GSE1: variants seen among roughly 807,000 people sequenced by gnomAD.
The protein encoded by GSE1 is genetic suppressor element 1.
Under a neutral mutation model 112.6 loss-of-function variants are expected in GSE1, and 32 were observed. That is an observed-to-expected ratio of 0.28 (90% confidence interval 0.21 to 0.38). GSE1 has a LOEUF of 0.38. GSE1 is among the 10% of genes least tolerant of loss of function. The pLI is 1.00. For missense variants in GSE1, 2,348 were observed against 1,699.2 expected (o/e 1.38, Z -6.71); for synonymous variants, 1,115 against 735.6 (o/e 1.52, Z -8.35).
intron 1 of GSE1, among the ~76,000 whole-genome samples, chr16:85,277,507 C>T (rs1405834549): frequency 6.6e-6 from 1 of 152,162 alleles, no homozygotes; most frequent in African/African-American, 2.4e-5. Context: ...CACCTGGGGC[C>T]AGGCCTGGGA....
chr16:85,621,704 C>T (rs2048754230), intron 1 of GSE1, among the ~76,000 whole-genome samples: 1 of 152,178 alleles, frequency 6.6e-6, no homozygotes, highest in Admixed American at 6.5e-5. Flanking sequence ...GCTGGGGTTT[C>T]TCCAGCCACG....
At chr16:85,205,767 C>G (rs1044036634) in intron 1 of GSE1, among the ~76,000 whole-genome samples, 1 of 152,144 alleles carries the variant, frequency 6.6e-6, no homozygotes, top group South Asian at 2.1e-4. Flanking sequence ...ACCCAGGGGC[C>G]CATCTGTGAA....
chr16:85,650,687 G>A lies in GSE1; in HGVS notation c.426+1936G>A, dbSNP rs375774673. ...AACACGGTGCCGCCAGGGAAGGCGC[G>A]GGGCCGGCAGCTGGATTAGCAGGTG... On this transcript the variant is annotated intron_variant, in intron 3 of 15. Coordinates refer to ENST00000253458, the MANE Select transcript of GSE1 (RefSeq NM_014615.5). Among the ~76,000 whole-genome samples the A allele has an allele frequency of 2.6e-4, 40 of 152,310 alleles. No individual in the cohort carries two copies. The South Asian group carries it at 2.7e-3, about 10-fold the overall frequency.
chr16:85,655,856 C>A lies in GSE1; in HGVS notation c.928C>A (p.Leu310Ile), dbSNP rs1338691180. 6.2e-7 allele frequency: 1 copy of A among 1,609,544 alleles called. No individual in the cohort carries two copies. Among genetic ancestry groups the A allele is most frequent in the Admixed American group, 1.7e-5 (1 of 59,988 alleles). ...HLSGVRYPPE[L>I]SHSSLAALHS... ...CTCTGGGGTCCGCTACCCTCCCGAG[C>A]TCTCCCACTCATCCCTGGCAGCGCT... is the stretch of plus-strand genomic sequence containing the variant. The change falls in exon 6 of 16, where the codon CTC becomes ATC. Residue 310 changes from leucine to isoleucine, a missense_variant. Physicochemically the swap from Leu to Ile is conservative, Grantham distance 5. Transcript: ENST00000253458.
chr16:85,482,500 T>TC (rs35856605), intron 2 of GSE1, among the ~76,000 whole-genome samples: 70,977 of 148,228 alleles, frequency 0.48, 17,333 homozygotes, highest in Non-Finnish European at 0.53. Flanking sequence ...GTGACTCAGT[T>TC]CCCCCCCCAA....
intron 2 of GSE1, among the ~76,000 whole-genome samples, chr16:85,455,348 G>A (rs2049795965): frequency 6.6e-6 from 1 of 151,972 alleles, no homozygotes; most frequent in African/African-American, 2.4e-5. Flanking sequence ...TGCCACTCCA[G>A]CCTGGGAGAC....
intron 1 of GSE1, among the ~76,000 whole-genome samples, chr16:85,186,643 A>G (rs889269339): frequency 6.6e-6 from 1 of 151,078 alleles, no homozygotes; most frequent in South Asian, 2.1e-4. Context: ...GTGGTGGCGC[A>G]TGTCTGTGGT....
At chr16:85,470,709 G>A (rs922817585) in intron 2 of GSE1, among the ~76,000 whole-genome samples, 1 of 152,154 alleles carries the variant, frequency 6.6e-6, no homozygotes, top group African/African-American at 2.4e-5. Flanking sequence ...GCAGCCATCG[G>A]GCTGCCCAGG....
intron 2 of GSE1, among the ~76,000 whole-genome samples, chr16:85,534,754 G>C (rs2044266764): frequency 6.6e-6 from 1 of 152,198 alleles, no homozygotes; most frequent in Non-Finnish European, 1.5e-5. Flanking sequence ...GCCTGCTGTG[G>C]AACCTCATGG....
rs2052809988 is a variant in GSE1 at position 85,665,883 on chromosome 16, A to G, written c.2759-93A>G. 5 of 1,212,898 alleles carry G rather than the reference A, an allele frequency of 4.1e-6. No individual in the cohort carries two copies. In the South Asian group the frequency reaches 5.0e-5, roughly 12 times the overall value. 75.1% of individuals were successfully genotyped at this position (1,212,898 alleles called of 1,614,324 possible). ...TGGTTCTTTGCGCTAGGTCTTTGTT[A>G]AGTGTAAGCTCTAGAGACCAGGATC... On this transcript the variant is annotated intron_variant, in intron 12 of 15. Coordinates refer to ENST00000253458, the MANE Select transcript of GSE1 (RefSeq NM_014615.5).
chr16:85,366,137 G>T (rs554130054), intron 2 of GSE1, among the ~76,000 whole-genome samples: 4 of 152,296 alleles, frequency 2.6e-5, no homozygotes, highest in East Asian at 1.9e-4. Context: ...GACTGCGCTC[G>T]GGTACTGGGC....
chr16:85,384,687 T>C (rs1597558378), intron 2 of GSE1, among the ~76,000 whole-genome samples: 1 of 152,342 alleles, frequency 6.6e-6, no homozygotes, highest in East Asian at 1.9e-4. Flanking sequence ...TGGATTGTTC[T>C]GGATGCCTCA....
intron 1 of GSE1, among the ~76,000 whole-genome samples, chr16:85,286,284 C>T (rs1005029670): frequency 1.3e-5 from 2 of 152,224 alleles, no homozygotes; most frequent in African/African-American, 4.8e-5. Flanking sequence ...AGAGGCTCTC[C>T]GTGTCCTTGC....
intron 2 of GSE1, among the ~76,000 whole-genome samples, chr16:85,505,871 G>T (rs975996135): frequency 6.6e-6 from 1 of 151,996 alleles, no homozygotes; most frequent in African/African-American, 2.4e-5. Context: ...GAGCATCGTG[G>T]TGCAAGCCAC....
chr16:85,468,280 G>A (rs1214719155), intron 2 of GSE1, among the ~76,000 whole-genome samples: 1 of 151,446 alleles, frequency 6.6e-6, no homozygotes, highest in Admixed American at 6.6e-5. Flanking sequence ...TTGAAGGGCT[G>A]GACCAGCTTC....
chr16:85,180,857 T>C (rs2074568767), intron 1 of GSE1, among the ~76,000 whole-genome samples: 3 of 152,244 alleles, frequency 2.0e-5, no homozygotes, highest in Admixed American at 1.3e-4. Context: ...AAGTGGCGAA[T>C]GTAGAAAAGC....
At chr16:85,271,584 G>A (rs758403304) in intron 1 of GSE1, among the ~76,000 whole-genome samples, 6 of 152,194 alleles carry the variant, frequency 3.9e-5, no homozygotes, top group Admixed American at 1.3e-4. Context: ...TGCAGCCCAC[G>A]CTGGCTTTCC....
intron 2 of GSE1, among the ~76,000 whole-genome samples, chr16:85,397,587 G>A (rs2047997303): frequency 1.3e-5 from 2 of 152,338 alleles, no homozygotes; most frequent in East Asian, 1.9e-4. Flanking sequence ...AGGTTCCAAA[G>A]TCACCTTCCA....
chr16:85,431,326 C>T (rs1367909893), intron 2 of GSE1, among the ~76,000 whole-genome samples: 2 of 152,346 alleles, frequency 1.3e-5, no homozygotes, highest in East Asian at 1.9e-4. Context: ...CCCGCGGTGC[C>T]GCATGATGGC....
Sources: gnomAD v4.1 joint callset for allele counts (sites outside exome capture counted in the v4.1 genomes callset) on GRCh38, gnomAD v4.1.1 for gene constraint, MANE v1.5 for transcripts, NCBI Gene and HGNC (gene_info 2026-07-23, HGNC 2026-07-21) for gene names.